The following MSRA variants were observed in gnomAD, a reference collection of about 807,000 sequenced individuals.
The protein encoded by MSRA is methionine sulfoxide reductase A, also known as mitochondrial peptide methionine sulfoxide reductase.
MSRA carries 54 observed loss-of-function variants against 31.3 expected under a neutral mutation model. The observed-to-expected ratio is 1.73, with a 90% CI of 1.39 to 2.17. MSRA has a LOEUF of 2.17. MSRA is among the 30% of genes most tolerant of loss of function. The probability of loss-of-function intolerance (pLI) is 0.00; values close to 1 mark genes in which losing one functional copy is unlikely to be tolerated. For missense variants in MSRA, 507 were observed against 300.9 expected (o/e 1.69, Z -5.07); for synonymous variants, 169 against 116.5 (o/e 1.45, Z -2.90).
At chr8:10,322,090 A>G (rs1266687840) in intron 5 of MSRA, among the ~76,000 whole-genome samples, 4 of 152,194 alleles carry the variant, frequency 2.6e-5, no homozygotes, top group Non-Finnish European at 5.9e-5. Flanking sequence ...GTGGTTACAC[A>G]TGCAGTCTCT....
chr8:10,136,258 T>C (rs1802268256), intron 1 of MSRA, among the ~76,000 whole-genome samples: 1 of 152,162 alleles, frequency 6.6e-6, no homozygotes, highest in Non-Finnish European at 1.5e-5. Context: ...AGCCACATGG[T>C]AGAGGAGGGC....
chr8:10,200,222 G>A (rs754127802), intron 1 of MSRA, among the ~76,000 whole-genome samples: 1 of 152,176 alleles, frequency 6.6e-6, no homozygotes, highest in African/African-American at 2.4e-5. Context: ...ACTGCGGGGA[G>A]GCCGTGGTCA....
At chr8:10,204,784 C>T (rs1298499993) in intron 1 of MSRA, among the ~76,000 whole-genome samples, 1 of 152,164 alleles carries the variant, frequency 6.6e-6, no homozygotes, top group Non-Finnish European at 1.5e-5. Context: ...TTTTTAGTAC[C>T]ATTTACCTCA....
intron 1 of MSRA, among the ~76,000 whole-genome samples, chr8:10,140,709 A>G (rs569883262): frequency 2.2e-4 from 33 of 152,348 alleles, no homozygotes; most frequent in Middle Eastern, 3.4e-3. Context: ...CACAGGAAAA[A>G]TGAGTCAAGA....
At chr8:10,393,916 A>G (rs1270240467) in intron 5 of MSRA, among the ~76,000 whole-genome samples, 3 of 152,172 alleles carry the variant, frequency 2.0e-5, no homozygotes, top group Non-Finnish European at 4.4e-5. Flanking sequence ...GTATAACTGT[A>G]TGGTCTGCAG....
At chr8:10,076,827 T>G (rs995534926) in intron 1 of MSRA, among the ~76,000 whole-genome samples, 10 of 151,568 alleles carry the variant, frequency 6.6e-5, no homozygotes, top group African/African-American at 2.2e-4. Flanking sequence ...AGGGCAGGGA[T>G]GAGTGTTGTA....
At chr8:10,078,118 C>T (rs1366186541) in intron 1 of MSRA, among the ~76,000 whole-genome samples, 1 of 152,226 alleles carries the variant, frequency 6.6e-6, no homozygotes. Flanking sequence ...AATTTAGTCA[C>T]TGTTTTCCGG....
chr8:10,106,718 G>T (rs1460961107), intron 1 of MSRA, among the ~76,000 whole-genome samples: 1 of 152,144 alleles, frequency 6.6e-6, no homozygotes, highest in African/African-American at 2.4e-5. Context: ...TCTGTCATGG[G>T]ACCACCAGGA....
intron 1 of MSRA, among the ~76,000 whole-genome samples, chr8:10,113,445 T>TA (rs1010140364): frequency 5.9e-5 from 9 of 151,564 alleles, no homozygotes; most frequent in Non-Finnish European, 1.3e-4. Context: ...AAACAGCTTT[T>TA]ACCTGTAATG....
At chr8:10,416,549 C>T (rs557595322) in intron 5 of MSRA, among the ~76,000 whole-genome samples, 3 of 152,298 alleles carry the variant, frequency 2.0e-5, no homozygotes, top group Admixed American at 6.5e-5. Flanking sequence ...GGGACGCTTC[C>T]GCTAGTGCTT....
intron 3 of MSRA, chr8:10,250,275 A>C: frequency 1.7e-6 from 1 of 598,510 alleles, no homozygotes; most frequent in African/African-American, 1.8e-5. Flanking sequence ...ACGACTGTAC[A>C]GATGAAAATA....
intron 5 of MSRA, among the ~76,000 whole-genome samples, chr8:10,393,948 C>G (rs886682168): frequency 1.3e-5 from 2 of 152,162 alleles, no homozygotes; most frequent in Non-Finnish European, 2.9e-5. Context: ...TTGGTGATCA[C>G]ACAGCCATCC....
At chr8:10,102,077 G>C (rs533355567) in intron 1 of MSRA, among the ~76,000 whole-genome samples, 39 of 152,220 alleles carry the variant, frequency 2.6e-4, no homozygotes, top group African/African-American at 8.4e-4. Flanking sequence ...TGTGTCCTTA[G>C]TTTTCAAGGA....
intron 5 of MSRA, among the ~76,000 whole-genome samples, chr8:10,356,857 GT>G (rs1464558325): frequency 6.8e-6 from 1 of 147,210 alleles, no homozygotes; most frequent in Non-Finnish European, 1.5e-5. Context: ...CAGCGTGCAC[GT>G]TCCTTGCTGC....
chr8:10,302,019 T>G (rs1040702871), intron 4 of MSRA, among the ~76,000 whole-genome samples: 2 of 152,270 alleles, frequency 1.3e-5, no homozygotes, highest in Non-Finnish European at 1.5e-5. Context: ...TTTATTTCTC[T>G]GAGTTTAGCC....
intron 2 of MSRA, among the ~76,000 whole-genome samples, chr8:10,242,337 G>A (rs920396871): frequency 2.0e-5 from 3 of 152,100 alleles, no homozygotes; most frequent in African/African-American, 7.2e-5. Context: ...AATGTCAGGG[G>A]TGGACACTTA....
chr8:10,334,167 T>G (rs546199742), intron 5 of MSRA, among the ~76,000 whole-genome samples: 408 of 108,118 alleles, frequency 3.8e-3, no homozygotes, highest in South Asian at 0.019. Flanking sequence ...CATATAGGGG[T>G]GTGTGTGTGT....
chr8:10,220,805 G>A (rs1000134732), intron 2 of MSRA, among the ~76,000 whole-genome samples: 2 of 152,204 alleles, frequency 1.3e-5, no homozygotes, highest in Admixed American at 1.3e-4. Context: ...CAGGGTGGCA[G>A]TGGGCACTCA....
intron 3 of MSRA, among the ~76,000 whole-genome samples, chr8:10,282,718 C>T (rs1340901204): frequency 1.3e-5 from 2 of 152,148 alleles, no homozygotes; most frequent in East Asian, 3.9e-4. Context: ...TTATCACTAC[C>T]AAGTGTCCAA....
Sources: gnomAD v4.1 joint callset for allele counts (sites outside exome capture counted in the v4.1 genomes callset) on GRCh38, gnomAD v4.1.1 for gene constraint, MANE v1.5 for transcripts, NCBI Gene and HGNC (gene_info 2026-07-23, HGNC 2026-07-21) for gene names.